The following MARCHF8 variants were observed in gnomAD, a reference collection of about 807,000 sequenced individuals.
MARCHF8 encodes the protein E3 ubiquitin-protein ligase MARCHF8.
MARCHF8 carries 40 observed loss-of-function variants against 51.6 expected under a neutral mutation model. The observed-to-expected ratio is 0.77, with a 90% CI of 0.60 to 1.01. The LOEUF is 1.01. MARCHF8 is among the 50% of genes least tolerant of loss of function. The probability of loss-of-function intolerance (pLI) is 0.00; values close to 1 mark genes in which losing one functional copy is unlikely to be tolerated. For missense variants in MARCHF8, 685 were observed against 708.6 expected (o/e 0.97, Z 0.38); for synonymous variants, 263 against 280.3 (o/e 0.94, Z 0.62).
chr10:45,492,235 A>T (rs1420404410), intron 2 of MARCHF8, among the ~76,000 whole-genome samples: 1 of 152,040 alleles, frequency 6.6e-6, no homozygotes, highest in African/African-American at 2.4e-5. Flanking sequence ...GTTCCAGCAG[A>T]CCAGATCATC....
At chr10:45,499,689 C>A (rs1412930164) in intron 2 of MARCHF8, among the ~76,000 whole-genome samples, 1 of 152,176 alleles carries the variant, frequency 6.6e-6, no homozygotes, top group Non-Finnish European at 1.5e-5. Flanking sequence ...GTTGAAAAGA[C>A]TGTCCTTTCC....
intron 2 of MARCHF8, among the ~76,000 whole-genome samples, chr10:45,508,371 G>T (rs1458579954): frequency 6.7e-6 from 1 of 149,540 alleles, no homozygotes. Context: ...AAACAATTGT[G>T]TTTGTTACTA....
At chr10:45,518,199 G>A (rs1052614962) in intron 2 of MARCHF8, among the ~76,000 whole-genome samples, 9 of 152,100 alleles carry the variant, frequency 5.9e-5, no homozygotes, top group Admixed American at 1.3e-4. Flanking sequence ...AATTATCAAT[G>A]AAGGCAAGGT....
Position 45,474,836 on chromosome 10 carries a change from C to T in MARCHF8, c.154-10509G>A, listed in dbSNP as rs570898236. Among the ~76,000 whole-genome samples, 38 of 152,234 alleles carry T rather than the reference C, an allele frequency of 2.5e-4. 1 individual carries two copies. In the South Asian group the frequency reaches 5.8e-3, roughly 23 times the overall value. On this transcript the variant is annotated intron_variant, in intron 3 of 7. Coordinates refer to ENST00000453424, the MANE Select transcript of MARCHF8 (RefSeq NM_001282866.2). Reference sequence around the variant, plus strand: ...GAAAGGGGAAGCGAGCGATCCCCAGCGGTCCACATTCCTACCATGCACTTC... The same window carrying T: ...GAAAGGGGAAGCGAGCGATCCCCAGTGGTCCACATTCCTACCATGCACTTC...
At chr10:45,559,069 G>C (rs571916252) in intron 1 of MARCHF8, among the ~76,000 whole-genome samples, 11 of 152,272 alleles carry the variant, frequency 7.2e-5, no homozygotes, top group African/African-American at 2.4e-4. Context: ...AATTATTCAG[G>C]AGGAATATGT....
exon 1 of MARCHF8, chr10:45,594,577 G>A (rs1014681965): frequency 5.9e-5 from 9 of 152,096 alleles, no homozygotes; most frequent in African/African-American, 2.2e-4. Context: ...CCGCAGCGCA[G>A]GGATGGGTCC....
intron 2 of MARCHF8, among the ~76,000 whole-genome samples, chr10:45,503,025 T>C (rs2043309567): frequency 6.6e-6 from 1 of 152,138 alleles, no homozygotes. Flanking sequence ...AAAGTGAAAG[T>C]TGTGATATAT....
At chr10:45,531,320 G>A (rs2043881123) in intron 2 of MARCHF8, among the ~76,000 whole-genome samples, 1 of 152,048 alleles carries the variant, frequency 6.6e-6, no homozygotes, top group Admixed American at 6.6e-5. Context: ...GCTGAAAGAA[G>A]TCATTGTCAG....
chr10:45,559,504 C>T (rs922706062), intron 1 of MARCHF8, among the ~76,000 whole-genome samples: 7 of 152,290 alleles, frequency 4.6e-5, no homozygotes, highest in East Asian at 3.9e-4. Context: ...TACGGGCATG[C>T]GCCACCACGC....
At chr10:45,546,579 T>G (rs1281866592) in intron 1 of MARCHF8, among the ~76,000 whole-genome samples, 3 of 151,916 alleles carry the variant, frequency 2.0e-5, no homozygotes, top group Non-Finnish European at 2.9e-5. Flanking sequence ...CTCCGGAGTT[T>G]GAGACCAGCC....
At chr10:45,476,479 A>G (rs10900219) in intron 3 of MARCHF8, among the ~76,000 whole-genome samples, 39,878 of 152,034 alleles carry the variant, frequency 0.26, 5,463 homozygotes, top group African/African-American at 0.33. Flanking sequence ...GAGGTGGGAG[A>G]ATTGCTTGAG....
rs2044170060 is a variant in MARCHF8, at chr10:45,549,473, G to T, written c.-78-16184C>A. On this transcript the variant is annotated intron_variant, in intron 1 of 6. Coordinates refer to the MARCHF8 transcript ENST00000319836. The stretch of plus-strand genomic sequence containing the variant: ...CCTTTTCTTCTAGGCTTCTTCACAT[G>T]TTGGCAGCAGCATCCCAAGACAGTT... 2.6e-5 allele frequency among the ~76,000 whole-genome samples: 4 copies of T among 152,328 alleles called. No individual in the cohort carries two copies. In the South Asian group the frequency reaches 8.3e-4, roughly 32 times the overall value.
chr10:45,587,494 G>C (rs553805386), intron 1 of MARCHF8, among the ~76,000 whole-genome samples: 1 of 152,208 alleles, frequency 6.6e-6, no homozygotes, highest in Middle Eastern at 3.4e-3. Flanking sequence ...CATTAAAATA[G>C]CAATTCTCCA....
intron 2 of MARCHF8, among the ~76,000 whole-genome samples, chr10:45,494,004 T>C (rs1186252575): frequency 6.6e-6 from 1 of 152,212 alleles, no homozygotes; most frequent in Non-Finnish European, 1.5e-5. Context: ...AATTCCTATG[T>C]AAAAGATGGC....
At chr10:45,478,137 A>C (rs1285607174) in intron 3 of MARCHF8, among the ~76,000 whole-genome samples, 1 of 152,238 alleles carries the variant, frequency 6.6e-6, no homozygotes, top group Non-Finnish European at 1.5e-5. Flanking sequence ...ACCATTCTTC[A>C]GGATAGGCCA....
At chr10:45,487,017 G>A (rs538916478) in intron 3 of MARCHF8, among the ~76,000 whole-genome samples, 3 of 151,338 alleles carry the variant, frequency 2.0e-5, no homozygotes, top group African/African-American at 7.3e-5. Flanking sequence ...CATCATGTTG[G>A]CCAGGCTGGT....
chr10:45,540,578 T>C (rs1202177044), intron 1 of MARCHF8, among the ~76,000 whole-genome samples: 1 of 152,076 alleles, frequency 6.6e-6, no homozygotes, highest in African/African-American at 2.4e-5. Flanking sequence ...GGGATCTAAT[T>C]AAACTAAAGA....
intron 5 of MARCHF8, chr10:45,462,337 A>T (rs144270168): frequency 6.6e-6 from 1 of 152,498 alleles, no homozygotes; most frequent in East Asian, 1.9e-4. Context: ...AAGGGGGGAA[A>T]CAGAGTTAGG....
intron 2 of MARCHF8, among the ~76,000 whole-genome samples, chr10:45,515,162 T>A (rs1029689552): frequency 2.6e-5 from 4 of 152,244 alleles, no homozygotes; most frequent in Non-Finnish European, 4.4e-5. Flanking sequence ...AAATGAGTCA[T>A]ATCTAAAGAA....
Sources: allele counts gnomAD v4.1 joint callset (sites outside exome capture counted in the v4.1 genomes callset), GRCh38; gene constraint gnomAD v4.1.1; transcripts MANE v1.5; gene names NCBI Gene and HGNC (gene_info 2026-07-23, HGNC 2026-07-21).